DDX52: variants seen among roughly 807,000 people sequenced by gnomAD.
DDX52 encodes the protein DExD-box helicase 52, also known as probable ATP-dependent RNA helicase DDX52.
Under a neutral mutation model 76.1 loss-of-function variants are expected in DDX52, and 59 were observed. That is an observed-to-expected ratio of 0.78 (90% CI 0.63 to 0.96). The LOEUF is 0.96. Among genes scored for constraint, DDX52 ranks in the 40% least tolerant of loss-of-function variants. The pLI is 0.00. For missense variants in DDX52, 707 were observed against 703.9 expected (o/e 1.00, Z -0.05); for synonymous variants, 231 against 244.1 (o/e 0.95, Z 0.50).
chr17:37,627,668 T>C (rs1229171650), intron 6 of DDX52, among the ~76,000 whole-genome samples: 1 of 144,838 alleles, frequency 6.9e-6, no homozygotes, highest in Non-Finnish European at 1.5e-5. Flanking sequence ...ACAAAACAGA[T>C]GAAAGCTTAT....
chr17:37,626,239 A>T (rs969594175), intron 7 of DDX52, 141 bp from the exon 8 acceptor site: 1 of 853,088 alleles, frequency 1.2e-6, no homozygotes, highest in Non-Finnish European at 1.8e-6. Context: ...AAAAAAAAAA[A>T]ATAAGAAACA....
At chr17:37,622,980 G>T (rs1295730143) in intron 9 of DDX52, among the ~76,000 whole-genome samples, 2 of 152,166 alleles carry the variant, frequency 1.3e-5, no homozygotes, top group Admixed American at 6.5e-5. Context: ...AGGTTAAGTT[G>T]TGCAAAGCTA....
chr17:37,634,565 G>A (rs56085660), intron 2 of DDX52, among the ~76,000 whole-genome samples: 48,508 of 151,262 alleles, frequency 0.32, 9,224 homozygotes, highest in African/African-American at 0.52. Context: ...CAGGAGGTGG[G>A]GGTTGCAGTG....
rs748976463 is a variant in DDX52, at chr17:37,632,145, T to C, written c.571A>G (p.Ile191Val). 6.2e-7 allele frequency: 1 copy of C among 1,613,174 alleles called. No homozygotes were observed. Among genetic ancestry groups the C allele is most frequent in the Non-Finnish European group, 8.5e-7 (1 of 1,179,844 alleles). ...ATAACTGGGATGGCTTGCATTTGGA[T>C]TGGCGTAGGCATTTGGAAACCTGCA... ...LDAGFQMPTP[I>V]QMQAIPVMLH... is the part of the protein sequence containing the mutation. Residue 191 changes from isoleucine (I) to valine (V), a missense_variant, in exon 4 of 15, where the codon ATC (isoleucine) becomes GTC (valine). Coordinates refer to ENST00000617633, the MANE Select transcript of DDX52 (RefSeq NM_007010.5).
intron 9 of DDX52, 33 bp from the exon 10 acceptor site, chr17:37,621,553 C>A: frequency 6.3e-7 from 1 of 1,585,762 alleles, no homozygotes; most frequent in South Asian, 1.2e-5. Flanking sequence ...ATACATAACT[C>A]AATCAAGAAT....
intron 4 of DDX52, 43 bp downstream of exon 4, chr17:37,632,070 C>CAG: frequency 6.2e-7 from 1 of 1,610,936 alleles, no homozygotes; most frequent in South Asian, 1.1e-5. Flanking sequence ...AGCAAACACA[C>CAG]AGAGGAAGGA....
chr17:37,617,841 C>T (rs2029881427), intron 14 of DDX52, among the ~76,000 whole-genome samples: 1 of 152,152 alleles, frequency 6.6e-6, no homozygotes, highest in African/African-American at 2.4e-5. Flanking sequence ...AAACAAATTC[C>T]TGGCTGGGCA....
At position 37,630,321 on chromosome 17, in the gene DDX52, T is replaced by A. The variant is rs566792765; in HGVS notation, c.604-148A>T. 13 of 912,774 alleles carry A rather than the reference T, an allele frequency of 1.4e-5. No homozygotes were observed. The African/African-American group carries it at 2.0e-4, about 14-fold the overall frequency. 56.5% of individuals were successfully genotyped at this position (912,774 alleles called of 1,614,324 possible). ...TCAAGTCATATCTGCTTTCCTAACA[T>A]CATCCATCCATGCCACCATCACCCC... On this transcript the variant is annotated intron_variant, in intron 4 of 14. Coordinates refer to ENST00000617633, the MANE Select transcript of DDX52 (RefSeq NM_007010.5).
In DDX52 at chr17:37,633,324, T is replaced by C. The variant is rs1263304126; in HGVS notation, c.381A>G (p.Leu127=). 13 of 1,611,548 alleles carry C rather than the reference T, an allele frequency of 8.1e-6. No homozygotes were observed. The highest frequency in any genetic ancestry group is 1.1e-5 in the Non-Finnish European group (13 of 1,179,142). Residue 127 remains leucine (L), a synonymous_variant, in exon 3 of 15, where the codon CTA becomes CTG. Coordinates refer to ENST00000617633, the MANE Select transcript of DDX52 (RefSeq NM_007010.5). ...EDKKVQRESK[L]TSGKLENLRK... The stretch of plus-strand genomic sequence containing the variant: ...TGAGATTCTCCAACTTTCCGGAAGT[T>C]AGTTTACTTTCTCTCTGAACTTTTT...
In DDX52 at chr17:37,621,730, T is replaced by C. The variant is rs117033918; in HGVS notation, c.1228-210A>G. Among the ~76,000 whole-genome samples the C allele has an allele frequency of 1.8e-3, 270 of 152,304 alleles. 2 individuals carry two copies. The highest frequency in any genetic ancestry group is 3.1e-3 in the Non-Finnish European group (209 of 68,012). On this transcript the variant is annotated intron_variant, in intron 9 of 14. Transcript: ENST00000617633. The stretch of plus-strand genomic sequence containing the variant: ...CACTCAACTTGAAATATATTCTCCA[T>C]CTTGCTAATTCCAATAATGTTGTCT...
Position 37,626,798 on chromosome 17 carries a change from C to T in DDX52, c.922G>A (p.Asp308Asn), listed in dbSNP as rs1299396797. The T allele has an allele frequency of 2.0e-5, 33 of 1,611,346 alleles. No homozygotes were observed. Among genetic ancestry groups the T allele is most frequent in the Middle Eastern group, 1.6e-4 (1 of 6,080 alleles). ...YLLKQDPPGIDLASVEWLVVD... is the reference protein window; with the variant it reads ...YLLKQDPPGINLASVEWLVVD... ...AAATATCATCTATACCTTGCTAGGTCGATTCCGGGGGGATCTTGCTTTAAT... is the reference window on the plus strand; with the variant it reads ...AAATATCATCTATACCTTGCTAGGTTGATTCCGGGGGGATCTTGCTTTAAT... Residue 308 changes from aspartate to asparagine, a missense_variant, in exon 7 of 15, where the codon GAC (aspartate) becomes AAC (asparagine). By Grantham distance (23) the Asp-to-Asn change is conservative (BLOSUM62 1). Transcript: ENST00000617633.
chr17:37,637,324 T>C (rs2030979327), intron 2 of DDX52, among the ~76,000 whole-genome samples: 1 of 150,978 alleles, frequency 6.6e-6, no homozygotes, highest in African/African-American at 2.4e-5. Context: ...AGAGACGGGG[T>C]TTCACCATGT....
intron 2 of DDX52, 30 bp downstream of exon 2, chr17:37,642,080 G>A: frequency 6.2e-7 from 1 of 1,608,358 alleles, no homozygotes; most frequent in Non-Finnish European, 8.5e-7. Context: ...AAATTAAAGA[G>A]AAAAAACATG....
intron 2 of DDX52, among the ~76,000 whole-genome samples, chr17:37,637,506 T>C (rs1271086394): frequency 6.6e-6 from 1 of 152,104 alleles, no homozygotes; most frequent in African/African-American, 2.4e-5. Flanking sequence ...CTGATCCTCC[T>C]ACCTCAGCTT....
chr17:37,637,974 A>G (rs954722300), intron 2 of DDX52, among the ~76,000 whole-genome samples: 1 of 152,230 alleles, frequency 6.6e-6, no homozygotes, highest in Non-Finnish European at 1.5e-5. Flanking sequence ...AAGAGCAGAG[A>G]TTTCAAAAGA....
chr17:37,635,926 T>C (rs183856086), intron 2 of DDX52, among the ~76,000 whole-genome samples: 1 of 152,338 alleles, frequency 6.6e-6, no homozygotes, highest in East Asian at 1.9e-4. Flanking sequence ...GTGGTTTTAA[T>C]TTGCCTGATG....
In DDX52 at chr17:37,629,996, C is replaced by T. The variant is rs574718997; in HGVS notation, c.747+34G>A. ...TAAGAAAGATCACTGAAGTAAAAAC[C>T]AATCGCATACTCTTCAAAAGCTACA... is the stretch of plus-strand genomic sequence containing the variant. On this transcript the variant is annotated intron_variant, in intron 5 of 14. Transcript: ENST00000617633. The T allele has an allele frequency of 1.1e-5, 18 of 1,567,876 alleles. 1 individual carries two copies. The South Asian group carries it at 2.1e-4, about 19-fold the overall frequency.
chr17:37,629,647 G>A (rs1188001597), intron 5 of DDX52, among the ~76,000 whole-genome samples: 1 of 151,920 alleles, frequency 6.6e-6, no homozygotes, highest in Non-Finnish European at 1.5e-5. Context: ...TGCCAGCCTG[G>A]GTAACAGAGT....
chr17:37,642,462 T>G (rs1160505686), intron 1 of DDX52, among the ~76,000 whole-genome samples, 154 bp from the exon 2 acceptor site: 1 of 152,216 alleles, frequency 6.6e-6, no homozygotes, highest in South Asian at 2.1e-4. Context: ...TGAAGAGACC[T>G]TCTCTGACCT....
Sources: gnomAD v4.1 joint callset for allele counts (sites outside exome capture counted in the v4.1 genomes callset) on GRCh38, gnomAD v4.1.1 for gene constraint, MANE v1.5 for transcripts, NCBI Gene and HGNC (gene_info 2026-07-23, HGNC 2026-07-21) for gene names.